FARS2: variants seen among roughly 807,000 people sequenced by gnomAD.
FARS2 encodes phenylalanyl-tRNA synthetase 2, mitochondrial.
Under a neutral mutation model 46.4 loss-of-function variants are expected in FARS2, and 40 were observed. The observed-to-expected ratio is 0.86, with a 90% CI of 0.67 to 1.12. FARS2 has a LOEUF of 1.12. Ranked by LOEUF, FARS2 falls within the 50% of genes most tolerant of loss-of-function variation. The probability of loss-of-function intolerance (pLI) is 0.00; values close to 1 mark genes in which losing one functional copy is unlikely to be tolerated. For missense variants in FARS2, 513 were observed against 567.9 expected, an observed-to-expected ratio of 0.90 and a Z score of 0.98; for synonymous variants, 234 against 214.9, an observed-to-expected ratio of 1.09 and a Z score of -0.78.
intron 3 of FARS2, among the ~76,000 whole-genome samples, chr6:5,405,614 T>G (rs1004497871): frequency 2.0e-5 from 3 of 150,030 alleles, no homozygotes; most frequent in African/African-American, 7.3e-5. Context: ...TGCCTCAGCC[T>G]CCTGAGTAGC....
chr6:5,485,218 G>A (rs1322061560), intron 4 of FARS2, among the ~76,000 whole-genome samples: 3 of 152,090 alleles, frequency 2.0e-5, no homozygotes, highest in African/African-American at 7.2e-5. Flanking sequence ...CATTGAGTGT[G>A]GTGTCTCACT....
intron 1 of FARS2, 65 bp downstream of exon 1, chr6:5,261,725 A>C (rs1387006434): frequency 2.0e-5 from 3 of 152,382 alleles, no homozygotes; most frequent in Middle Eastern, 3.4e-3. Flanking sequence ...GGGGGTTTAC[A>C]TTGGCCGTGG....
chr6:5,341,788 GGA>G (rs1440726821), intron 1 of FARS2, among the ~76,000 whole-genome samples: 1 of 152,102 alleles, frequency 6.6e-6, no homozygotes, highest in East Asian at 1.9e-4. Flanking sequence ...CAAAGTGCTA[GGA>G]TTACAGGTGG....
At chr6:5,770,799 C>A (rs533724793) in intron 6 of FARS2, among the ~76,000 whole-genome samples, 1 of 152,342 alleles carries the variant, frequency 6.6e-6, no homozygotes, top group East Asian at 1.9e-4. Context: ...GGACAGCCAA[C>A]AGGGGTGCCG....
At chr6:5,517,475 TGGTGGC>T (rs1349314471) in intron 4 of FARS2, among the ~76,000 whole-genome samples, 3 of 151,940 alleles carry the variant, frequency 2.0e-5, no homozygotes, top group Non-Finnish European at 2.9e-5. Context: ...TAGCCTTGTG[TGGTGGC>T]ACACGCTTGT....
intron 2 of FARS2, among the ~76,000 whole-genome samples, chr6:5,373,107 C>T (rs1759159404): frequency 6.6e-6 from 1 of 152,108 alleles, no homozygotes; most frequent in African/African-American, 2.4e-5. Context: ...AAGTTCTGCA[C>T]TGTATCAGAA....
chr6:5,459,056 C>T (rs904306021), intron 4 of FARS2, among the ~76,000 whole-genome samples: 16 of 152,138 alleles, frequency 1.1e-4, no homozygotes, highest in African/African-American at 3.6e-4. Flanking sequence ...CTTTGTGAAA[C>T]GTTAACATTG....
intron 2 of FARS2, among the ~76,000 whole-genome samples, chr6:5,379,219 C>T (rs1177268000): frequency 6.6e-6 from 1 of 152,184 alleles, no homozygotes; most frequent in Non-Finnish European, 1.5e-5. Flanking sequence ...AGCAATGTCT[C>T]CCTCTTTCTG....
intron 5 of FARS2, among the ~76,000 whole-genome samples, chr6:5,594,993 C>G (rs1774118657): frequency 1.3e-5 from 2 of 152,154 alleles, no homozygotes; most frequent in Non-Finnish European, 2.9e-5. Context: ...ACTGGAGGAT[C>G]CTCCTGGGGA....
At chr6:5,732,104 T>C (rs1270597417) in intron 6 of FARS2, among the ~76,000 whole-genome samples, 1 of 152,206 alleles carries the variant, frequency 6.6e-6, no homozygotes. Context: ...CCTTTCTTGT[T>C]GGATTGAAAG....
At chr6:5,472,089 C>T (rs79970776) in intron 4 of FARS2, among the ~76,000 whole-genome samples, 2,202 of 152,264 alleles carry the variant, frequency 0.014, 27 homozygotes, top group Non-Finnish European at 0.023. Context: ...GCATGCTCAG[C>T]CCCCTCCGAC....
intron 6 of FARS2, among the ~76,000 whole-genome samples, chr6:5,657,365 C>T (rs1777649720): frequency 6.6e-6 from 1 of 152,174 alleles, no homozygotes; most frequent in African/African-American, 2.4e-5. Flanking sequence ...GAAATGAAGG[C>T]ATCTCTTCCA....
chr6:5,577,584 T>A (rs1434184986), intron 5 of FARS2, among the ~76,000 whole-genome samples: 1 of 152,168 alleles, frequency 6.6e-6, no homozygotes, highest in Non-Finnish European at 1.5e-5. Context: ...CTTTTAAGAT[T>A]TTTTTAATTT....
intron 4 of FARS2, among the ~76,000 whole-genome samples, chr6:5,507,584 T>A (rs554936625): frequency 4.2e-4 from 64 of 152,328 alleles, no homozygotes; most frequent in African/African-American, 1.4e-3. Context: ...GGGCTCATGA[T>A]GGCTTTAAGA....
Position 5,292,751 on chromosome 6 carries a change from C to T in FARS2, c.-22+31091C>T, listed in dbSNP as rs372472243. Among the ~76,000 whole-genome samples, 9 of 152,174 alleles carry T rather than the reference C, an allele frequency of 5.9e-5. No homozygotes were observed. In the South Asian group the frequency reaches 1.5e-3, roughly 25 times the overall value. On this transcript the variant is annotated intron_variant, in intron 1 of 6. Transcript: ENST00000274680. Reference sequence around the variant, plus strand: ...GTTGGAAATACAAATATTTAAGAGACCTTGGTGTATAATTGGCAATTCAAG... The same window carrying T: ...GTTGGAAATACAAATATTTAAGAGATCTTGGTGTATAATTGGCAATTCAAG...
intron 3 of FARS2, among the ~76,000 whole-genome samples, chr6:5,413,013 G>A (rs1762025272): frequency 6.6e-6 from 1 of 152,150 alleles, no homozygotes; most frequent in African/African-American, 2.4e-5. Flanking sequence ...GCCAGTGGAG[G>A]GACTCAGTGG....
intron 6 of FARS2, among the ~76,000 whole-genome samples, chr6:5,615,005 A>T (rs1775396358): frequency 6.6e-6 from 1 of 152,204 alleles, no homozygotes; most frequent in Admixed American, 6.5e-5. Flanking sequence ...ATCTGATGCC[A>T]TACTTGATCT....
chr6:5,718,622 A>T (rs906143405), intron 6 of FARS2, among the ~76,000 whole-genome samples: 1 of 151,864 alleles, frequency 6.6e-6, no homozygotes, highest in Non-Finnish European at 1.5e-5. Context: ...TTTTTTTTTT[A>T]AACCAAAGCC....
intron 1 of FARS2, among the ~76,000 whole-genome samples, chr6:5,354,922 A>G (rs973729865): frequency 7.2e-5 from 11 of 152,258 alleles, no homozygotes; most frequent in South Asian, 2.1e-4. Context: ...GGTCTAGGGT[A>G]GGGCTTGAGA....
Sources: allele counts gnomAD v4.1 joint callset (sites outside exome capture counted in the v4.1 genomes callset), GRCh38; gene constraint gnomAD v4.1.1; transcripts MANE v1.5; gene names NCBI Gene and HGNC (gene_info 2026-07-23, HGNC 2026-07-21).